The following PEX14 variants were observed in gnomAD, a reference collection of about 807,000 sequenced individuals.
PEX14 encodes peroxisomal membrane protein PEX14.
PEX14 carries 15 observed loss-of-function variants against 49.5 expected under a neutral mutation model. The observed-to-expected ratio is 0.30, with a 90% CI of 0.20 to 0.47. The LOEUF (loss-of-function observed/expected upper bound fraction) is 0.47. PEX14 is among the 20% of genes least tolerant of loss of function. The pLI is 1.00. For synonymous variants in PEX14, 210 were observed against 212.7 expected (o/e 0.99, Z 0.11); for missense variants, 398 against 494.8 (o/e 0.80, Z 1.86).
chr1:10,587,338 C>T (rs1640523032), intron 3 of PEX14, among the ~76,000 whole-genome samples: 1 of 151,906 alleles, frequency 6.6e-6, no homozygotes, highest in African/African-American at 2.4e-5. Flanking sequence ...TCCTGTAATC[C>T]CAGCTTCTCG....
intron 4 of PEX14, among the ~76,000 whole-genome samples, chr1:10,605,020 C>T (rs529802906): frequency 6.6e-6 from 1 of 152,194 alleles, no homozygotes; most frequent in East Asian, 1.9e-4. Flanking sequence ...TGGAGGGAAG[C>T]TCCCCTCAGG....
At chr1:10,626,436 C>T (rs1641746795) in intron 7 of PEX14, among the ~76,000 whole-genome samples, 2 of 152,230 alleles carry the variant, frequency 1.3e-5, no homozygotes, top group African/African-American at 4.8e-5. Flanking sequence ...CTGAGACCTA[C>T]AGGCCCTCTG....
intron 3 of PEX14, among the ~76,000 whole-genome samples, chr1:10,552,496 A>G (rs769209384): frequency 2.0e-5 from 3 of 152,250 alleles, no homozygotes; most frequent in Non-Finnish European, 2.9e-5. Flanking sequence ...CATGCCTGTT[A>G]TCTATATATT....
At chr1:10,516,197 T>C (rs538278723) in intron 2 of PEX14, among the ~76,000 whole-genome samples, 3 of 152,252 alleles carry the variant, frequency 2.0e-5, no homozygotes, top group African/African-American at 7.2e-5. Context: ...CAGGCCTATG[T>C]GTCTTAAGTT....
At chr1:10,570,040 C>G (rs1639926316) in intron 3 of PEX14, among the ~76,000 whole-genome samples, 1 of 152,052 alleles carries the variant, frequency 6.6e-6, no homozygotes, top group Non-Finnish European at 1.5e-5. Flanking sequence ...CCTGGCTTGA[C>G]CCTCAAGTAT....
Position 10,572,298 on chromosome 1 carries a change from T to C in PEX14, c.170-26940T>C, listed in dbSNP as rs564263993. ...TAATCATACCCTTACCTTAAACTTA[T>C]ACAAGTAAGGAGGATAAATCTATAA... On this transcript the variant is annotated intron_variant, in intron 3 of 8. Transcript: ENST00000356607. Among the ~76,000 whole-genome samples the C allele has an allele frequency of 6.6e-5, 10 of 152,270 alleles. No individual in the cohort carries two copies. In the South Asian group the frequency reaches 8.3e-4, roughly 13 times the overall value.
At chr1:10,600,856 G>T (rs953726760) in intron 4 of PEX14, among the ~76,000 whole-genome samples, 18 of 152,276 alleles carry the variant, frequency 1.2e-4, no homozygotes, top group African/African-American at 3.9e-4. Context: ...TTTTAAGGCC[G>T]GGCGCAGTGG....
intron 3 of PEX14, among the ~76,000 whole-genome samples, chr1:10,588,814 T>G (rs1640575947): frequency 6.6e-6 from 1 of 152,172 alleles, no homozygotes; most frequent in South Asian, 2.1e-4. Context: ...CGTAAAGTGC[T>G]TCCTTTAAGT....
In PEX14 at chr1:10,495,528, C is replaced by A. The variant is rs544275089; in HGVS notation, c.84+207C>A. ...TCTCCTTAGTAAAGGCTGGTCCTTT[C>A]TAGGACTAAAAGCATCCACCCCAGA... On this transcript the variant is annotated intron_variant, in intron 2 of 8. Transcript: ENST00000356607. This position sits in a 1 kb window ranked among gnomAD's most constrained non-coding sequence, Gnocchi z 4.2. Among the ~76,000 whole-genome samples, 1 of 152,122 alleles carries A rather than the reference C, an allele frequency of 6.6e-6. No homozygotes were observed. Among genetic ancestry groups the A allele is most frequent in the East Asian group, 1.9e-4 (1 of 5,196 alleles).
chr1:10,495,379 A>C lies in PEX14; in HGVS notation c.84+58A>C. 1 of 1,365,334 alleles carries C rather than the reference A, an allele frequency of 7.3e-7. No homozygotes were observed. Among genetic ancestry groups the C allele is most frequent in the Non-Finnish European group, 1.0e-6 (1 of 960,282 alleles). 84.6% of individuals were successfully genotyped at this position (1,365,334 alleles called of 1,614,324 possible). A position where few individuals can be genotyped will look rare whatever the true frequency, so the allele number is the denominator to read the frequency against. On this transcript the variant is annotated intron_variant, in intron 2 of 8. Coordinates refer to ENST00000356607, the MANE Select transcript of PEX14 (RefSeq NM_004565.3). The surrounding 1 kb of genome is among the most constrained non-coding windows in gnomAD (Gnocchi z 4.2). ...AGTAATTAAAATGCCACGCGAGTGAAAAGAAACCTTCTGTTCCTATGGTTC... is the reference window on the plus strand; with the variant it reads ...AGTAATTAAAATGCCACGCGAGTGACAAGAAACCTTCTGTTCCTATGGTTC...
chr1:10,523,297 T>C (rs1638361293), intron 2 of PEX14, among the ~76,000 whole-genome samples: 1 of 152,200 alleles, frequency 6.6e-6, no homozygotes, highest in East Asian at 1.9e-4. Flanking sequence ...GTATAAAATA[T>C]ATGGAATTTG....
intron 2 of PEX14, among the ~76,000 whole-genome samples, chr1:10,513,771 A>G (rs944252785): frequency 1.3e-5 from 2 of 152,170 alleles, no homozygotes; most frequent in South Asian, 2.1e-4. Flanking sequence ...ATTGATTGCT[A>G]TAGGGACGTT....
intron 3 of PEX14, among the ~76,000 whole-genome samples, chr1:10,592,143 C>T (rs1323443715): frequency 6.6e-6 from 1 of 152,100 alleles, no homozygotes; most frequent in African/African-American, 2.4e-5. Flanking sequence ...TTGACTTTTC[C>T]ATGCATGCAC....
intron 1 of PEX14, among the ~76,000 whole-genome samples, chr1:10,481,563 TC>T (rs1458561602): frequency 6.6e-6 from 1 of 152,022 alleles, no homozygotes; most frequent in African/African-American, 2.4e-5. Flanking sequence ...AGCCTCAGCC[TC>T]CCGAGTAGCT....
intron 3 of PEX14, among the ~76,000 whole-genome samples, chr1:10,588,308 C>G (rs1177671053): frequency 5.3e-5 from 8 of 152,094 alleles, no homozygotes; most frequent in African/African-American, 1.7e-4. Flanking sequence ...TCCCAAGCAG[C>G]TGGGATTATA....
At chr1:10,625,058 A>G (rs960513258) in intron 7 of PEX14, among the ~76,000 whole-genome samples, 6 of 152,216 alleles carry the variant, frequency 3.9e-5, no homozygotes, top group Non-Finnish European at 7.3e-5. Flanking sequence ...TGTTAGCTGT[A>G]TGACCACAGG....
chr1:10,478,969 T>C (rs899298957), intron 1 of PEX14, among the ~76,000 whole-genome samples: 4 of 151,720 alleles, frequency 2.6e-5, no homozygotes, highest in Admixed American at 2.6e-4. Context: ...GCCAGGATGG[T>C]CTCGATCTCC....
chr1:10,611,397 A>T (rs116557449), intron 4 of PEX14, among the ~76,000 whole-genome samples: 2 of 152,200 alleles, frequency 1.3e-5, no homozygotes, highest in Non-Finnish European at 2.9e-5. Context: ...TTATCTGTTG[A>T]CCAGTTGGTA....
intron 3 of PEX14, among the ~76,000 whole-genome samples, chr1:10,553,554 G>A (rs12739407): frequency 0.038 from 5,838 of 152,276 alleles, 151 homozygotes; most frequent in Middle Eastern, 0.054. Flanking sequence ...TGAAGAAAGG[G>A]AAGATGGCAT....
Sources: allele counts gnomAD v4.1 joint callset (sites outside exome capture counted in the v4.1 genomes callset), GRCh38; gene constraint gnomAD v4.1.1; non-coding constraint Gnocchi (gnomAD v3.1); transcripts MANE v1.5; gene names NCBI Gene and HGNC (gene_info 2026-07-23, HGNC 2026-07-21).